The following C1RL variants were observed in gnomAD, a reference collection of about 807,000 sequenced individuals.
C1RL encodes the protein complement C1r subcomponent like.
A neutral mutation model predicts 27.9 loss-of-function variants in C1RL; 27 were observed. The ratio of observed to expected loss-of-function variants is 0.97; its 90% CI spans 0.71 to 1.33. The LOEUF (loss-of-function observed/expected upper bound fraction) is 1.33. Among genes scored for constraint, C1RL ranks in the 40% most tolerant of loss-of-function variants. The pLI, the probability that C1RL is intolerant of heterozygous loss-of-function variation, is 0.00. For synonymous variants in C1RL, 248 were observed against 252.1 expected, an observed-to-expected ratio of 0.98 and a Z score of 0.15; for missense variants, 563 against 623.9, an observed-to-expected ratio of 0.90 and a Z score of 1.04.
intron 5 of C1RL, among the ~76,000 whole-genome samples, chr12:7,099,225 C>CAAAAAAAAAAAAAAAAAAAAAAA (rs1180325788): frequency 6.8e-5 from 3 of 44,372 alleles, no homozygotes; most frequent in African/African-American, 2.5e-4. Context: ...AACTCCATCC[C>CAAAAAAAAAAAAAAAAAAAAAAA]AAAAAAAAAA....
Position 7,109,111 on chromosome 12 carries a change from T to C in C1RL, c.70A>G (p.Met24Val), listed in dbSNP as rs1404684039. The C allele has an allele frequency of 6.3e-7, 1 of 1,590,108 alleles. No individual in the cohort carries two copies. Among genetic ancestry groups the C allele is most frequent in the East Asian group, 2.3e-5 (1 of 44,144 alleles). The change falls in exon 1 of 6, where the codon ATG becomes GTG. Residue 24 changes from methionine (M) to valine (V), a missense_variant and splice_region_variant. By Grantham distance (21) the Met-to-Val change is conservative. Transcript: ENST00000266542. ...SPHSKGCPGA[M>V]WWLLLWGVLQ... ...CTCCTCTGCCGGGGCCACACTCACATTGCGCCTGGACAGCCTTTGGAGTGA... is the reference window on the plus strand; with the variant it reads ...CTCCTCTGCCGGGGCCACACTCACACTGCGCCTGGACAGCCTTTGGAGTGA...
Position 7,100,000 on chromosome 12 carries a change from C to T in C1RL, c.517G>A (p.Glu173Lys), listed in dbSNP as rs375478374. The T allele has an allele frequency of 3.4e-4, 549 of 1,613,368 alleles. 9 individuals are homozygous for T. The South Asian group carries it at 5.4e-3, about 16-fold the overall frequency. Reference sequence around the variant, plus strand: ...ATGGCCTCAGAGCCCCTGCTGGCCTCGCTGATGGGCTGACTATAGTTCACA... The same window carrying T: ...ATGGCCTCAGAGCCCCTGCTGGCCTTGCTGATGGGCTGACTATAGTTCACA... ...VAVNYSQPIS[E>K]ASRGSEAINA... is the part of the protein sequence containing the mutation. Residue 173 changes from glutamate to lysine, a missense_variant, in exon 4 of 6, where the codon GAG (glutamate) becomes AAG (lysine). Transcript: ENST00000266542.
At position 7,099,947 on chromosome 12, in the gene C1RL, C is replaced by G; in HGVS notation, c.570G>C (p.Lys190Asn). 6.2e-7 allele frequency: 1 copy of G among 1,614,078 alleles called. No individual in the cohort carries two copies. Among genetic ancestry groups the G allele is most frequent in the Non-Finnish European group, 8.5e-7 (1 of 1,180,016 alleles). ...AINAPGDNPAKVQNHCQEPYY... is the reference protein window; with the variant it reads ...AINAPGDNPANVQNHCQEPYY... Reference sequence around the variant, plus strand: ...AGGGCTCCTGGCAGTGGTTCTGGACCTTGGCAGGGTTGTCTCCAGGTGCGT... The same window carrying G: ...AGGGCTCCTGGCAGTGGTTCTGGACGTTGGCAGGGTTGTCTCCAGGTGCGT... Residue 190 changes from lysine to asparagine, a missense_variant, in exon 4 of 6, where the codon AAG becomes AAC. Lys to Asn is a moderately conservative substitution (Grantham distance 94). Coordinates refer to ENST00000266542, the MANE Select transcript of C1RL (RefSeq NM_016546.4).
intron 5 of C1RL, 124 bp from the exon 6 acceptor site, chr12:7,097,287 T>G (rs1395300211): frequency 2.6e-6 from 2 of 758,744 alleles, no homozygotes; most frequent in African/African-American, 1.8e-5. Flanking sequence ...CAGGACGTTT[T>G]TTTTTTTTTT....
intron 1 of C1RL, chr12:7,108,765 A>AGGG: frequency 1.8e-6 from 1 of 552,818 alleles, no homozygotes; most frequent in Non-Finnish European, 3.2e-6. Flanking sequence ...CGTCCAAAGG[A>AGGG]GGGGGGTGCT....
At chr12:7,100,281 T>A (rs192938556) in intron 3 of C1RL, among the ~76,000 whole-genome samples, 1 of 152,324 alleles carries the variant, frequency 6.6e-6, no homozygotes, top group African/African-American at 2.4e-5. Context: ...AAAACCGTTT[T>A]GGAGAAAATT....
Position 7,108,438 on chromosome 12 carries a change from G to T in C1RL, c.113C>A (p.Thr38Asn). ...LLWGVLQACP[T>N]RGSVLLAQEL... ...TTGGGCCAAGAGGACGGAGCCCCGGGTTGGGCAAGCCTGGAGGACTCCCCA... is the reference window on the plus strand; with the variant it reads ...TTGGGCCAAGAGGACGGAGCCCCGGTTTGGGCAAGCCTGGAGGACTCCCCA... The change falls in exon 2 of 6, where the codon ACC becomes AAC. Residue 38 changes from threonine to asparagine, a missense_variant. Physicochemically the swap from Thr to Asn is moderately conservative, Grantham distance 65. Transcript: ENST00000266542. 3 of 1,611,904 alleles carry T rather than the reference G, an allele frequency of 1.9e-6. No homozygotes were observed. The highest frequency in any genetic ancestry group is 1.7e-6 in the Non-Finnish European group (2 of 1,178,668).
At chr12:7,105,628 A>C (rs1179144079) in intron 2 of C1RL, among the ~76,000 whole-genome samples, 2 of 152,168 alleles carry the variant, frequency 1.3e-5, no homozygotes, top group Non-Finnish European at 2.9e-5. Context: ...TCTAACACAA[A>C]AAGCAGAGAC....
rs1380355097 is a variant in C1RL, at chr12:7,096,671, G to T, written c.1184C>A (p.Pro395His). The T allele has an allele frequency of 6.2e-6, 10 of 1,614,008 alleles. No homozygotes were observed. Among genetic ancestry groups the T allele is most frequent in the Non-Finnish European group, 8.5e-6 (10 of 1,180,020 alleles). ...LTTELKYSRL[P>H]VAPREACNAW... ...GTTGCAGGCCTCCCTGGGAGCTACA[G>T]GCAGCCTCGAGTACTTCAGCTCAGT... Residue 395 changes from proline to histidine, a missense_variant, in exon 6 of 6, where the codon CCT (proline) becomes CAT (histidine). Physicochemically the swap from Pro to His is moderately conservative, Grantham distance 77. Transcript: ENST00000266542.
chr12:7,108,598 C>CTG, intron 1 of C1RL, 119 bp from the exon 2 acceptor site: 1 of 766,202 alleles, frequency 1.3e-6, no homozygotes, highest in East Asian at 2.7e-5. Flanking sequence ...GGGCTAGAAG[C>CTG]TGTGGCCTCA....
At position 7,099,992 on chromosome 12, in the gene C1RL, G is replaced by A. The variant is rs1938568990; in HGVS notation, c.525C>T (p.Ser175=). 6.2e-7 allele frequency: 1 copy of A among 1,613,636 alleles called. No individual in the cohort carries two copies. Residue 175 remains serine (S), a synonymous_variant, in exon 4 of 6, where the codon AGC becomes AGT. Coordinates refer to ENST00000266542, the MANE Select transcript of C1RL (RefSeq NM_016546.4). ...GTGCGTTGATGGCCTCAGAGCCCCT[G>A]CTGGCCTCGCTGATGGGCTGACTAT... ...VNYSQPISEA[S]RGSEAINAPG... is the part of the protein sequence containing the mutation.
chr12:7,109,182 T>C lies in C1RL; in HGVS notation c.-2A>G. 6.3e-7 allele frequency: 1 copy of C among 1,599,026 alleles called. No homozygotes were observed. Among genetic ancestry groups the C allele is most frequent in the Non-Finnish European group, 8.5e-7 (1 of 1,171,430 alleles). ...CCCCCACACTCTGGGTCCAGGCATC[T>C]GGAACTGGACATCTGGGACCTGCGA... On this transcript the variant is annotated 5_prime_UTR_variant, in exon 1 of 6. Transcript: ENST00000266542.
intron 1 of C1RL, 100 bp downstream of exon 1, chr12:7,109,010 G>A: frequency 4.8e-6 from 2 of 417,822 alleles, no homozygotes; most frequent in Admixed American, 3.5e-5. Context: ...GGATGTGTGT[G>A]TGGGGGGGGT....
At chr12:7,107,951 G>A (rs1276062904) in intron 2 of C1RL, 5 of 320,214 alleles carry the variant, frequency 1.6e-5, no homozygotes, top group East Asian at 1.5e-4. Flanking sequence ...CAATATGTGC[G>A]TCCCTGCCCC....
At chr12:7,098,564 A>G (rs1341266434) in intron 5 of C1RL, among the ~76,000 whole-genome samples, 1 of 152,242 alleles carries the variant, frequency 6.6e-6, no homozygotes, top group Non-Finnish European at 1.5e-5. Context: ...GAGACAACCC[A>G]AATGTCCATC....
chr12:7,108,495 A>T lies in C1RL; in HGVS notation c.72-16T>A, dbSNP rs1453756439. ...CAGCCACCACCTGTGAGTTGGGGGGAGGGCAAGGTGGGGCCGCGCAGCTAT... is the reference window on the plus strand; with the variant it reads ...CAGCCACCACCTGTGAGTTGGGGGGTGGGCAAGGTGGGGCCGCGCAGCTAT... On this transcript the variant is annotated splice_polypyrimidine_tract_variant and intron_variant, in intron 1 of 5. Coordinates refer to ENST00000266542, the MANE Select transcript of C1RL (RefSeq NM_016546.4). The T allele has an allele frequency of 1.3e-6, 2 of 1,560,458 alleles. No individual in the cohort carries two copies. Among genetic ancestry groups the T allele is most frequent in the South Asian group, 2.4e-5 (2 of 84,484 alleles).
Position 7,095,759 on chromosome 12 carries a change from T to A in C1RL, c.*632A>T. 1.3e-6 allele frequency: 1 copy of A among 776,142 alleles called. No homozygotes were observed. Among genetic ancestry groups the A allele is most frequent in the Non-Finnish European group, 1.6e-6 (1 of 639,218 alleles). 48.1% of individuals were successfully genotyped at this position (776,142 alleles called of 1,614,324 possible). On this transcript the variant is annotated 3_prime_UTR_variant, in exon 6 of 6. Transcript: ENST00000266542. Reference sequence around the variant, plus strand: ...TGTGGGACTTGGGCAAGTCCCTTTATCCCCTGAGCCTCAGTTTCCTCATTT... The same window carrying A: ...TGTGGGACTTGGGCAAGTCCCTTTAACCCCTGAGCCTCAGTTTCCTCATTT...
Position 7,094,817 on chromosome 12 carries a change from G to A in C1RL, c.*1574C>T, listed in dbSNP as rs748309043. On this transcript the variant is annotated 3_prime_UTR_variant, in exon 6 of 6. Transcript: ENST00000266542. ...TGGACTTCAACTCCTGGGCTCAAGC[G>A]ATCCTCTTGCATCAGCCTCCTGAGT... 4 of 959,836 alleles carry A rather than the reference G, an allele frequency of 4.2e-6. No homozygotes were observed. The highest frequency in any genetic ancestry group is 4.7e-5 in the South Asian group (1 of 21,148). The allele number at this position is 959,836 out of a possible 1,614,324, so 59.5% of individuals were successfully genotyped here. A position where few individuals can be genotyped will look rare whatever the true frequency, so the allele number is the denominator to read the frequency against.
intron 2 of C1RL, 117 bp from the exon 3 acceptor site, chr12:7,102,204 T>A (rs1160634982): frequency 1.9e-6 from 2 of 1,050,712 alleles, no homozygotes; most frequent in East Asian, 4.9e-5. Flanking sequence ...GCCGTGCCCC[T>A]CTGGGGCTCA....
Sources: allele counts gnomAD v4.1 joint callset (sites outside exome capture counted in the v4.1 genomes callset), GRCh38; gene constraint gnomAD v4.1.1; transcripts MANE v1.5; gene names NCBI Gene and HGNC (gene_info 2026-07-23, HGNC 2026-07-21).